The following ALPK2 variants were observed in gnomAD, a reference collection of about 807,000 sequenced individuals.
The protein encoded by ALPK2 is alpha kinase 2.
A neutral mutation model predicts 163.1 loss-of-function variants in ALPK2; 127 were observed. That is an observed-to-expected ratio of 0.78 (90% CI 0.67 to 0.90). ALPK2 has a LOEUF of 0.90. Ranked by LOEUF, ALPK2 falls within the 40% of genes least tolerant of loss-of-function variation. The pLI is 0.00. For synonymous variants in ALPK2, 953 were observed against 959.1 expected (o/e 0.99, Z 0.12); for missense variants, 2,360 against 2,589.6 (o/e 0.91, Z 1.92).
chr18:58,611,098 A>T (rs145594830), intron 2 of ALPK2, among the ~76,000 whole-genome samples: 1 of 151,190 alleles, frequency 6.6e-6, no homozygotes, highest in Non-Finnish European at 1.5e-5. Flanking sequence ...GTCTCAAAAA[A>T]AAAAAAACAA....
In ALPK2 at chr18:58,579,080, A is replaced by G; in HGVS notation, c.1696T>C (p.Ser566Pro). The G allele has an allele frequency of 9.3e-6, 15 of 1,614,222 alleles. No individual in the cohort carries two copies. Among genetic ancestry groups the G allele is most frequent in the Non-Finnish European group, 1.3e-5 (15 of 1,180,036 alleles). Residue 566 changes from serine to proline, a missense_variant, in exon 4 of 13, where the codon TCT (serine) becomes CCT (proline). Transcript: ENST00000361673. The stretch of plus-strand genomic sequence containing the variant: ...GGGGGCTCAGCAGATTCTTTGGCAG[A>G]GCAGAGATGAAGGGTACCTTCTGTT... ...STTEGTLHLCSAKESAEPPLT... is the reference protein window; with the variant it reads ...STTEGTLHLCPAKESAEPPLT...
intron 4 of ALPK2, among the ~76,000 whole-genome samples, chr18:58,565,426 C>A (rs2051846662): frequency 6.6e-6 from 1 of 152,084 alleles, no homozygotes; most frequent in Non-Finnish European, 1.5e-5. Flanking sequence ...TTTTATCTAT[C>A]TGATGAAAGA....
At chr18:58,574,170 G>A (rs2051906278) in intron 4 of ALPK2, among the ~76,000 whole-genome samples, 1 of 152,060 alleles carries the variant, frequency 6.6e-6, no homozygotes, top group Non-Finnish European at 1.5e-5. Flanking sequence ...GGTGCTGGTT[G>A]CGGCAGCTCA....
At chr18:58,501,351 A>G (rs2051430530) in intron 11 of ALPK2, among the ~76,000 whole-genome samples, 1 of 152,268 alleles carries the variant, frequency 6.6e-6, no homozygotes, top group Non-Finnish European at 1.5e-5. Flanking sequence ...GCACAGCCAG[A>G]GTCTAAATAG....
intron 1 of ALPK2, among the ~76,000 whole-genome samples, chr18:58,622,496 T>G (rs2052207178): frequency 6.6e-6 from 1 of 152,198 alleles, no homozygotes; most frequent in Admixed American, 6.5e-5. Context: ...AGTCCAGGTT[T>G]CTTGACTCTG....
chr18:58,529,287 TCA>T, intron 5 of ALPK2, 49 bp from the exon 6 acceptor site: 1 of 1,523,746 alleles, frequency 6.6e-7, no homozygotes, highest in East Asian at 2.3e-5. Context: ...CTTTCCCATT[TCA>T]TACCATTTAA....
rs115586270 is a variant in ALPK2 at position 58,506,204 on chromosome 18, G to A, written c.6030-2056C>T. On this transcript the variant is annotated intron_variant, in intron 10 of 12. Coordinates refer to ENST00000361673, the MANE Select transcript of ALPK2 (RefSeq NM_052947.4). The stretch of plus-strand genomic sequence containing the variant: ...CATAAAGATGGCAACAGTAGACACC[G>A]GGGATTCCAAAAGAGGGGAGGGAGG... Among the ~76,000 whole-genome samples the A allele has an allele frequency of 2.0e-3, 303 of 152,066 alleles. 2 individuals are homozygous for A. Among genetic ancestry groups the A allele is most frequent in the African/African-American group, 6.3e-3 (260 of 41,474 alleles).
intron 3 of ALPK2, among the ~76,000 whole-genome samples, chr18:58,596,242 T>G (rs948010011): frequency 6.6e-6 from 1 of 152,218 alleles, no homozygotes; most frequent in African/African-American, 2.4e-5. Flanking sequence ...GTGGCTTCCC[T>G]TCGTCTGCCG....
chr18:58,483,964 G>A (rs1018541207), intron 12 of ALPK2, among the ~76,000 whole-genome samples: 1 of 151,902 alleles, frequency 6.6e-6, no homozygotes, highest in Non-Finnish European at 1.5e-5. Context: ...TTTGTGGCAC[G>A]GTCACACACA....
chr18:58,562,487 A>T lies in ALPK2; in HGVS notation c.1962+16327T>A, dbSNP rs114102808. 7.9e-3 allele frequency among the ~76,000 whole-genome samples: 1,203 copies of T among 152,366 alleles called. 10 individuals are homozygous for T. The highest frequency in any genetic ancestry group is 0.028 in the African/African-American group (1,161 of 41,582). On this transcript the variant is annotated intron_variant, in intron 4 of 12. Coordinates refer to ENST00000361673, the MANE Select transcript of ALPK2 (RefSeq NM_052947.4). Reference sequence around the variant, plus strand: ...GTCGTGCCATAAGCACAATATCAGCATCATTCAAAAGAACCTAGAGCCTCC... The same window carrying T: ...GTCGTGCCATAAGCACAATATCAGCTTCATTCAAAAGAACCTAGAGCCTCC...
chr18:58,535,928 G>T lies in ALPK2; in HGVS notation c.4259C>A (p.Pro1420Gln), dbSNP rs2051643730. ...CTGTGGTGTGGTTTCAGAGGGCTCT[G>T]GTTTTCCAGCCCTGGTGTACTCTAT... ...SVIEYTRAGK[P>Q]EPSETTPQGA... The change falls in exon 5 of 13, where the codon CCA (proline) becomes CAA (glutamine). Residue 1420 changes from proline to glutamine, a missense_variant. By Grantham distance (76) the Pro-to-Gln change is moderately conservative (BLOSUM62 -1). Coordinates refer to ENST00000361673, the MANE Select transcript of ALPK2 (RefSeq NM_052947.4). The T allele has an allele frequency of 6.2e-7, 1 of 1,614,160 alleles. No homozygotes were observed. Among genetic ancestry groups the T allele is most frequent in the African/African-American group, 1.3e-5 (1 of 75,052 alleles).
chr18:58,582,550 A>G (rs922775000), intron 3 of ALPK2, among the ~76,000 whole-genome samples: 8 of 148,020 alleles, frequency 5.4e-5, no homozygotes, highest in African/African-American at 1.7e-4. Context: ...GTTTCATGTC[A>G]TCCAGATTGT....
chr18:58,596,203 T>C (rs1450001849), intron 3 of ALPK2, among the ~76,000 whole-genome samples: 1 of 152,164 alleles, frequency 6.6e-6, no homozygotes, highest in East Asian at 1.9e-4. Context: ...CAGAGACCTG[T>C]AGTCAGGGAA....
chr18:58,613,723 T>A lies in ALPK2; in HGVS notation c.-20-1906A>T, dbSNP rs933548855. Among the ~76,000 whole-genome samples, 653 of 145,584 alleles carry A rather than the reference T, an allele frequency of 4.5e-3. 12 individuals carry two copies. Among genetic ancestry groups the A allele is most frequent in the African/African-American group, 0.016 (617 of 39,796 alleles). On this transcript the variant is annotated intron_variant, in intron 1 of 12. Transcript: ENST00000361673. ...CAAAAAAAAAAAATAATAATAATAA[T>A]AATAATAATAATAATAATAATAAAA...
intron 12 of ALPK2, among the ~76,000 whole-genome samples, chr18:58,493,325 T>C (rs555139767): frequency 7.6e-4 from 116 of 152,258 alleles, no homozygotes; most frequent in African/African-American, 2.7e-3. Flanking sequence ...GACTCATGCA[T>C]TGCTTTAAAT....
intron 4 of ALPK2, among the ~76,000 whole-genome samples, chr18:58,547,311 A>G (rs550262848): frequency 6.6e-6 from 1 of 152,328 alleles, no homozygotes; most frequent in African/African-American, 2.4e-5. Flanking sequence ...GCATGTCACC[A>G]TGTCACCATA....
At chr18:58,570,004 C>A (rs1345972526) in intron 4 of ALPK2, among the ~76,000 whole-genome samples, 5 of 152,230 alleles carry the variant, frequency 3.3e-5, no homozygotes, top group African/African-American at 9.6e-5. Flanking sequence ...GTGGCGGGTG[C>A]CTGTAATCCC....
At chr18:58,534,092 T>A (rs1308468167) in intron 5 of ALPK2, among the ~76,000 whole-genome samples, 1 of 151,602 alleles carries the variant, frequency 6.6e-6, no homozygotes, top group African/African-American at 2.4e-5. Context: ...GGTCTATAAA[T>A]GGAATTTGGG....
chr18:58,576,019 T>C (rs1219765709), intron 4 of ALPK2, among the ~76,000 whole-genome samples: 1 of 152,174 alleles, frequency 6.6e-6, no homozygotes, highest in Non-Finnish European at 1.5e-5. Flanking sequence ...GGAAGTAAAC[T>C]GCTGGTCACT....
Sources: gnomAD v4.1 joint callset for allele counts (sites outside exome capture counted in the v4.1 genomes callset) on GRCh38, gnomAD v4.1.1 for gene constraint, MANE v1.5 for transcripts, NCBI Gene and HGNC (gene_info 2026-07-23, HGNC 2026-07-21) for gene names.